GNG4: variants seen among roughly 807,000 people sequenced by gnomAD.
GNG4 encodes the protein G protein subunit gamma 4.
A neutral mutation model predicts 5.8 loss-of-function variants in GNG4; 4 were observed. The ratio of observed to expected loss-of-function variants is 0.69; its 90% CI spans 0.34 to 1.57. The LOEUF is 1.57. Ranked by LOEUF, GNG4 falls within the 40% of genes most tolerant of loss-of-function variation. GNG4 has a pLI of 0.06. For missense variants in GNG4, 96 were observed against 95.1 expected (o/e 1.01, Z -0.04); for synonymous variants, 29 against 32.9 (o/e 0.88, Z 0.41).
chr1:235,588,194 G>A (rs533674498), intron 2 of GNG4, among the ~76,000 whole-genome samples: 1 of 152,224 alleles, frequency 6.6e-6, no homozygotes, highest in African/African-American at 2.4e-5. Flanking sequence ...CTGTGGGAAG[G>A]TCCCACCAGC....
At position 235,621,395 on chromosome 1, in the gene GNG4, G is replaced by A. The variant is rs1278751195; in HGVS notation, c.-122-25884C>T. On this transcript the variant is annotated intron_variant, in intron 1 of 3. Coordinates refer to ENST00000391854, the MANE Select transcript of GNG4 (RefSeq NM_001098722.2). Reference sequence around the variant, plus strand: ...CAGCCTCTGCCTCCTGGGTTTAAGCGATCCTCCCACCTCAGCCTCCTGAGT... The same window carrying A: ...CAGCCTCTGCCTCCTGGGTTTAAGCAATCCTCCCACCTCAGCCTCCTGAGT... Among the ~76,000 whole-genome samples, 7 of 149,154 alleles carry A rather than the reference G, an allele frequency of 4.7e-5. 1 individual carries two copies. In the South Asian group the frequency reaches 8.5e-4, roughly 18 times the overall value.
rs142409497 is a variant in GNG4 at position 235,576,459 on chromosome 1, T to C, written c.99+7281A>G. Among the ~76,000 whole-genome samples the C allele has an allele frequency of 7.9e-5, 12 of 152,318 alleles. No individual in the cohort carries two copies. The East Asian group carries it at 1.9e-3, about 24-fold the overall frequency. The stretch of plus-strand genomic sequence containing the variant: ...ATGGTATTCTTTCCCTTAGAACCCA[T>C]ATAGTTTCCAAAATTCATCTTTCAT... On this transcript the variant is annotated intron_variant, in intron 3 of 3. Transcript: ENST00000391854.
At chr1:235,583,922 T>C (rs1239427862) in intron 2 of GNG4, 74 bp from the exon 3 acceptor site, 2 of 836,310 alleles carry the variant, frequency 2.4e-6, no homozygotes, top group African/African-American at 1.7e-5. Context: ...TCCCACCACC[T>C]ACAGCTTCTC....
At chr1:235,563,403 C>CAAAAAAA (rs57471662) in intron 3 of GNG4, among the ~76,000 whole-genome samples, 1 of 52,386 alleles carries the variant, frequency 1.9e-5, no homozygotes, top group African/African-American at 6.5e-5. Flanking sequence ...GAAACTGTCT[C>CAAAAAAA]AAAAAAAAAA....
chr1:235,557,843 G>A (rs984971557), intron 3 of GNG4, among the ~76,000 whole-genome samples: 2 of 152,126 alleles, frequency 1.3e-5, no homozygotes, highest in Admixed American at 1.3e-4. Context: ...CTCCATAGCA[G>A]AGTAACTTCT....
rs1657602712 is a variant in GNG4 at position 235,649,484 on chromosome 1, G to A, written c.-123+178C>T. Among the ~76,000 whole-genome samples the A allele has an allele frequency of 6.6e-6, 1 of 152,018 alleles. No homozygotes were observed. The highest frequency in any genetic ancestry group is 1.5e-5 in the Non-Finnish European group (1 of 67,968). On this transcript the variant is annotated intron_variant, in intron 1 of 3. Coordinates refer to ENST00000391854, the MANE Select transcript of GNG4 (RefSeq NM_001098722.2). The surrounding 1 kb of genome is among the most constrained non-coding windows in gnomAD (Gnocchi z 5.7). The stretch of plus-strand genomic sequence containing the variant: ...GGAGGTCCCGGGAGAGGAGGCCGAG[G>A]GAACCACAGGTCTTTGTGTCGCGTG...
At chr1:235,641,361 G>A (rs531170396) in intron 1 of GNG4, among the ~76,000 whole-genome samples, 15 of 152,140 alleles carry the variant, frequency 9.9e-5, no homozygotes, top group African/African-American at 3.1e-4. Context: ...CTGCACACCA[G>A]CCTGGGCAAC....
chr1:235,623,522 C>T (rs1688750245), intron 1 of GNG4, among the ~76,000 whole-genome samples: 1 of 152,130 alleles, frequency 6.6e-6, no homozygotes, highest in Non-Finnish European at 1.5e-5. Context: ...TTATATTTTT[C>T]CAGCGTTTTT....
chr1:235,576,069 T>C lies in GNG4; in HGVS notation c.99+7671A>G, dbSNP rs1345495344. 2.3e-4 allele frequency among the ~76,000 whole-genome samples: 34 copies of C among 150,416 alleles called. No homozygotes were observed. The East Asian group carries it at 6.5e-3, about 29-fold the overall frequency. Reference sequence around the variant, plus strand: ...CAATGTCATATATGTACTTTTTTTTTTTTTTTTTTTGAGACAGAGTCTCAC... The same window carrying C: ...CAATGTCATATATGTACTTTTTTTTCTTTTTTTTTTGAGACAGAGTCTCAC... On this transcript the variant is annotated intron_variant, in intron 3 of 3. Coordinates refer to ENST00000391854, the MANE Select transcript of GNG4 (RefSeq NM_001098722.2).
rs2003229 is a variant in GNG4 at position 235,593,212 on chromosome 1, T to G, written c.-11+2188A>C. ...CATCCACCCGTCTTGGCCTCCCAAATTGCTGGAATTCAGGCATGAGTGCCT... is the reference window on the plus strand; with the variant it reads ...CATCCACCCGTCTTGGCCTCCCAAAGTGCTGGAATTCAGGCATGAGTGCCT... On this transcript the variant is annotated intron_variant, in intron 2 of 3. Transcript: ENST00000391854. 8.8e-3 allele frequency among the ~76,000 whole-genome samples: 1,345 copies of G among 152,200 alleles called. 22 individuals carry two copies. The highest frequency in any genetic ancestry group is 0.031 in the African/African-American group (1,285 of 41,510).
At chr1:235,588,311 C>T (rs1687875603) in intron 2 of GNG4, among the ~76,000 whole-genome samples, 1 of 152,050 alleles carries the variant, frequency 6.6e-6, no homozygotes. Flanking sequence ...CATGTGCGTC[C>T]ACTCTCCAGC....
intron 1 of GNG4, among the ~76,000 whole-genome samples, chr1:235,640,750 A>G (rs1657302104): frequency 6.6e-6 from 1 of 151,896 alleles, no homozygotes; most frequent in Admixed American, 6.6e-5. Context: ...CGGGGCCACC[A>G]CCCCCTGCAG....
At chr1:235,587,842 C>T (rs67481060) in intron 2 of GNG4, among the ~76,000 whole-genome samples, 58,574 of 139,610 alleles carry the variant, frequency 0.42, 12,823 homozygotes, top group East Asian at 0.8. Context: ...GCGGGGTGAA[C>T]GTGTGTGTAA....
At chr1:235,606,944 C>CTTTTT (rs1181596456) in intron 1 of GNG4, among the ~76,000 whole-genome samples, 5 of 123,718 alleles carry the variant, frequency 4.0e-5, no homozygotes, top group Non-Finnish European at 4.9e-5. Flanking sequence ...CCTTTCTTTC[C>CTTTTT]TTTTTTTTTT....
intron 1 of GNG4, among the ~76,000 whole-genome samples, chr1:235,606,735 G>A (rs1301780627): frequency 6.6e-6 from 1 of 152,110 alleles, no homozygotes; most frequent in Admixed American, 6.5e-5. Context: ...AGACGGAGCT[G>A]AGCAACTCAT....
At chr1:235,634,978 T>C (rs1419619323) in intron 1 of GNG4, among the ~76,000 whole-genome samples, 1 of 152,068 alleles carries the variant, frequency 6.6e-6, no homozygotes, top group African/African-American at 2.4e-5. Context: ...CTTCCTTTGC[T>C]GAAGTCAGCA....
At chr1:235,552,794 C>T (rs1161186888) in intron 3 of GNG4, among the ~76,000 whole-genome samples, 1 of 152,072 alleles carries the variant, frequency 6.6e-6, no homozygotes, top group Non-Finnish European at 1.5e-5. Flanking sequence ...CAGAGTCTCG[C>T]TCTGTTGCCC....
intron 1 of GNG4, among the ~76,000 whole-genome samples, chr1:235,620,736 C>T (rs1688693133): frequency 6.6e-6 from 1 of 152,100 alleles, no homozygotes; most frequent in Admixed American, 6.6e-5. Context: ...AGGGTTTCAC[C>T]GTGTTAGCCA....
At chr1:235,582,142 A>T (rs1393690764) in intron 3 of GNG4, among the ~76,000 whole-genome samples, 2 of 151,782 alleles carry the variant, frequency 1.3e-5, no homozygotes, top group Non-Finnish European at 2.9e-5. Context: ...TCTGCTCCAC[A>T]CTGTACCCGA....
Sources: gnomAD v4.1 joint callset for allele counts (sites outside exome capture counted in the v4.1 genomes callset) on GRCh38, gnomAD v4.1.1 for gene constraint, Gnocchi (gnomAD v3.1) non-coding constraint, MANE v1.5 for transcripts, NCBI Gene and HGNC (gene_info 2026-07-23, HGNC 2026-07-21) for gene names.